TCN2: variants seen among roughly 807,000 people sequenced by gnomAD.
TCN2 encodes the protein transcobalamin-2.
TCN2 carries 34 observed loss-of-function variants against 48.6 expected under a neutral mutation model. The observed-to-expected ratio is 0.70, with a 90% CI of 0.53 to 0.93. The LOEUF is 0.93. TCN2 is among the 40% of genes least tolerant of loss of function. The pLI, the probability that TCN2 is intolerant of heterozygous loss-of-function variation, is 0.00. For missense variants in TCN2, 652 were observed against 526.1 expected, an observed-to-expected ratio of 1.24 and a Z score of -2.34; for synonymous variants, 283 against 212.5, an observed-to-expected ratio of 1.33 and a Z score of -2.89.
intron 8 of TCN2, 100 bp downstream of exon 8, chr22:30,623,183 G>C: frequency 1.8e-6 from 2 of 1,121,702 alleles, no homozygotes; most frequent in East Asian, 4.8e-5. Context: ...CACCCTCCTG[G>C]GCCACACCTT....
chr22:30,625,433 C>T (rs926300967), intron 8 of TCN2, among the ~76,000 whole-genome samples: 2 of 151,782 alleles, frequency 1.3e-5, no homozygotes, highest in Non-Finnish European at 2.9e-5. Flanking sequence ...TGGCCCTTGC[C>T]TGCTGAAGGA....
chr22:30,622,453 G>A (rs2087712540), intron 7 of TCN2, among the ~76,000 whole-genome samples: 1 of 152,232 alleles, frequency 6.6e-6, no homozygotes, highest in Non-Finnish European at 1.5e-5. Context: ...AACAGCGGGT[G>A]TAGAGCATGT....
intron 8 of TCN2, among the ~76,000 whole-genome samples, chr22:30,623,795 T>C (rs1397409273): frequency 0.095 from 355 of 3,744 alleles, 101 homozygotes; most frequent in Non-Finnish European, 0.12. Context: ...TATACATATA[T>C]ACACACATAC....
chr22:30,617,048 A>AG (rs530191351), intron 6 of TCN2, among the ~76,000 whole-genome samples: 145 of 151,734 alleles, frequency 9.6e-4, no homozygotes, highest in Non-Finnish European at 1.9e-3. Flanking sequence ...GAGAGGTGGG[A>AG]GGAAGGATAC....
Position 30,607,414 on chromosome 22 carries a change from T to A in TCN2, c.64+19T>A. On this transcript the variant is annotated intron_variant, in intron 1 of 8. Transcript: ENST00000215838. ...ATGTGTGGTGAGTAACTCGCCTCTA[T>A]CCTGTGCCTCTTTCCTCCTGGGTCC... The A allele has an allele frequency of 2.5e-6, 4 of 1,613,874 alleles. No individual in the cohort carries two copies. The highest frequency in any genetic ancestry group is 3.4e-6 in the Non-Finnish European group (4 of 1,179,758).
rs767065449 is a variant in TCN2 at position 30,610,871 on chromosome 22, A to T, written c.65A>T (p.Glu22Val). Residue 22 changes from glutamate to valine, a missense_variant and splice_region_variant, in exon 2 of 9, where the codon GAA (glutamate) becomes GTA (valine). Transcript: ENST00000215838. ...GVLGALTEMC[E>V]IPEMDSHLVE... ...CATTTGTACCATTTTCTTTTCTAAG[A>T]AATACCAGAGATGGACAGCCATCTG... is the stretch of plus-strand genomic sequence containing the variant. 22 of 1,614,076 alleles carry T rather than the reference A, an allele frequency of 1.4e-5. No homozygotes were observed. Among genetic ancestry groups the T allele is most frequent in the Admixed American group, 8.3e-5 (5 of 60,002 alleles).
chr22:30,615,832 C>T (rs376370832), intron 6 of TCN2, 45 bp downstream of exon 6: 27 of 1,609,670 alleles, frequency 1.7e-5, no homozygotes, highest in Middle Eastern at 1.7e-4. Flanking sequence ...CAATCTGCTG[C>T]GCACCCATTG....
chr22:30,608,394 T>C (rs745854826), intron 1 of TCN2, among the ~76,000 whole-genome samples: 8 of 152,138 alleles, frequency 5.3e-5, no homozygotes, highest in Non-Finnish European at 1.0e-4. Context: ...TGTTTTCGTT[T>C]TGTTTTTTGT....
rs1221892034 is a variant in TCN2 at position 30,623,314 on chromosome 22, A to AC, written c.1222+231_1222+232insC. ...CAGATTACAAAAAAAAAAAAAAACT[A>AC]GAAGAAAATTAACATCACCTAGGAT... On this transcript the variant is annotated intron_variant, in intron 8 of 8. Transcript: ENST00000215838. The AC allele has an allele frequency of 4.1e-5, 22 of 532,814 alleles. 3 individuals carry two copies. The Admixed American group carries it at 5.9e-4, about 14-fold the overall frequency. 33.0% of individuals were successfully genotyped at this position (532,814 alleles called of 1,614,324 possible). A position where few individuals can be genotyped will look rare whatever the true frequency, so the allele number is the denominator to read the frequency against.
chr22:30,618,737 C>A (rs2087652601), intron 7 of TCN2, among the ~76,000 whole-genome samples: 1 of 152,000 alleles, frequency 6.6e-6, no homozygotes, highest in Admixed American at 6.6e-5. Flanking sequence ...TCAAATTATC[C>A]AAGTAACAGG....
At position 30,607,477 on chromosome 22, in the gene TCN2, C is replaced by T. The variant is rs913605422; in HGVS notation, c.64+82C>T. 17 of 1,492,096 alleles carry T rather than the reference C, an allele frequency of 1.1e-5. No homozygotes were observed. In the Admixed American group the frequency reaches 2.1e-4, roughly 18 times the overall value. The allele number at this position is 1,492,096 out of a possible 1,614,324, so 92.4% of individuals were successfully genotyped here. A position where few individuals can be genotyped will look rare whatever the true frequency, so the allele number is the denominator to read the frequency against. On this transcript the variant is annotated intron_variant, in intron 1 of 8. Transcript: ENST00000215838. ...CTAGGGCATAGGATGAGGGAACTTACCTGCCCTTCTAAGCTCCCATAGCAG... is the reference window on the plus strand; with the variant it reads ...CTAGGGCATAGGATGAGGGAACTTATCTGCCCTTCTAAGCTCCCATAGCAG...
intron 2 of TCN2, among the ~76,000 whole-genome samples, chr22:30,612,054 TAGTG>T (rs944591568): frequency 2.0e-5 from 3 of 151,458 alleles, no homozygotes; most frequent in South Asian, 4.2e-4. Context: ...CTAGGCAACA[TAGTG>T]AGACCACATC....
At chr22:30,621,639 T>C (rs1286719902) in intron 7 of TCN2, among the ~76,000 whole-genome samples, 1 of 152,154 alleles carries the variant, frequency 6.6e-6, no homozygotes, top group Admixed American at 6.5e-5. Context: ...TGCACCACCA[T>C]GCCCAGCCTA....
At chr22:30,616,725 T>G (rs549639006) in intron 6 of TCN2, among the ~76,000 whole-genome samples, 8 of 152,058 alleles carry the variant, frequency 5.3e-5, no homozygotes. Context: ...CACTTGAACC[T>G]GGGAGACAGA....
Position 30,610,823 on chromosome 22 carries a change from C to T in TCN2, c.65-48C>T, listed in dbSNP as rs185027746. 13 of 1,604,894 alleles carry T rather than the reference C, an allele frequency of 8.1e-6. No individual in the cohort carries two copies. The East Asian group carries it at 2.7e-4, about 33-fold the overall frequency. ...CTGGTAACGTCAAAGCACTTCTTTGCTGGTGGCCTGGCCCTGTGACCTCAT... is the reference window on the plus strand; with the variant it reads ...CTGGTAACGTCAAAGCACTTCTTTGTTGGTGGCCTGGCCCTGTGACCTCAT... On this transcript the variant is annotated intron_variant, in intron 1 of 8. Transcript: ENST00000215838.
chr22:30,620,308 TTCTC>T (rs748567357), intron 7 of TCN2, among the ~76,000 whole-genome samples: 69 of 152,228 alleles, frequency 4.5e-4, no homozygotes, highest in Non-Finnish European at 8.8e-4. Context: ...AAAAAGTCCT[TTCTC>T]TTTCTAGCTC....
intron 7 of TCN2, among the ~76,000 whole-genome samples, chr22:30,622,457 A>G (rs2087712651): frequency 6.6e-6 from 1 of 152,146 alleles, no homozygotes; most frequent in African/African-American, 2.4e-5. Flanking sequence ...GCGGGTGTAG[A>G]GCATGTAGAA....
At chr22:30,613,465 C>T (rs768449648) in intron 3 of TCN2, among the ~76,000 whole-genome samples, 1 of 151,970 alleles carries the variant, frequency 6.6e-6, no homozygotes, top group Non-Finnish European at 1.5e-5. Context: ...TTTTAGTAGA[C>T]GTGGGGTTTC....
Position 30,622,972 on chromosome 22 carries a change from G to A in TCN2, c.1111G>A (p.Glu371Lys), listed in dbSNP as rs755806129. Residue 371 changes from glutamate to lysine, a missense_variant, in exon 8 of 9, where the codon GAA (glutamate) becomes AAA (lysine). Transcript: ENST00000215838. ...KAHELGGFTY[E>K]TQASLSGPYL... The stretch of plus-strand genomic sequence containing the variant: ...ATTTGCCTTTCCCTTCTGTAGATAT[G>A]AAACACAGGCCTCCTTGTCAGGCCC... The A allele has an allele frequency of 5.0e-6, 8 of 1,613,946 alleles. No individual in the cohort carries two copies. In the South Asian group the frequency reaches 7.7e-5, roughly 16 times the overall value.
Sources: allele counts gnomAD v4.1 joint callset (sites outside exome capture counted in the v4.1 genomes callset), GRCh38; gene constraint gnomAD v4.1.1; transcripts MANE v1.5; gene names NCBI Gene and HGNC (gene_info 2026-07-23, HGNC 2026-07-21).